RNF141: variants seen among roughly 807,000 people sequenced by gnomAD.
RNF141 encodes ring finger protein 141, also known as C3HC4-like zinc finger protein.
A neutral mutation model predicts 27.4 loss-of-function variants in RNF141; 18 were observed. The observed-to-expected ratio is 0.66, with a 90% CI of 0.45 to 0.97. RNF141 has a LOEUF of 0.97. Ranked by LOEUF, RNF141 falls within the 50% of genes least tolerant of loss-of-function variation. The probability of loss-of-function intolerance (pLI) is 0.00; values close to 1 mark genes in which losing one functional copy is unlikely to be tolerated. For synonymous variants in RNF141, 97 were observed against 96.6 expected (o/e 1.00, Z -0.02); for missense variants, 230 against 279.4 (o/e 0.82, Z 1.26).
intron 4 of RNF141, among the ~76,000 whole-genome samples, chr11:10,523,811 C>T (rs1366766474): frequency 6.6e-6 from 1 of 152,202 alleles, no homozygotes; most frequent in African/African-American, 2.4e-5. Context: ...ACACCATCCT[C>T]AGCTTTTAAA....
chr11:10,515,374 C>T lies in RNF141; in HGVS notation c.543-308G>A, dbSNP rs61891443. On this transcript the variant is annotated intron_variant, in intron 5 of 5. Transcript: ENST00000265981. ...TATCTTACAGACTAGTATGTATCAGCACCTGTTAGAGCTGTTTATTCTTTT... is the reference window on the plus strand; with the variant it reads ...TATCTTACAGACTAGTATGTATCAGTACCTGTTAGAGCTGTTTATTCTTTT... 1,841 of 252,176 alleles carry T rather than the reference C, an allele frequency of 7.3e-3. 9 individuals are homozygous for T. Among genetic ancestry groups the T allele is most frequent in the Non-Finnish European group, 0.011 (1,447 of 133,314 alleles). The allele number at this position is 252,176 out of a possible 1,614,324, so 15.6% of individuals were successfully genotyped here.
Position 10,515,055 on chromosome 11 carries a change from TGTC to T in RNF141, c.551_553del (p.Arg184del). The T allele has an allele frequency of 1.2e-6, 2 of 1,613,262 alleles. No individual in the cohort carries two copies. The highest frequency in any genetic ancestry group is 1.7e-6 in the Non-Finnish European group (2 of 1,179,698). The stretch of plus-strand genomic sequence containing the variant: ...TAGGCGACAAATAGGGCAATTCCTG[TGTC>T]GATCACTCCTATTAGAGAAGTCAAA... On this transcript the variant is annotated inframe_deletion, in exon 6 of 6. Transcript: ENST00000265981.
In RNF141 at chr11:10,525,391, A is replaced by G. The variant is rs142716810; in HGVS notation, c.253-18T>C. The G allele has an allele frequency of 3.4e-5, 52 of 1,537,502 alleles. 2 individuals are homozygous for G. In the East Asian group the frequency reaches 1.1e-3, roughly 33 times the overall value. On this transcript the variant is annotated intron_variant, in intron 3 of 5. Coordinates refer to ENST00000265981, the MANE Select transcript of RNF141 (RefSeq NM_016422.4). Reference sequence around the variant, plus strand: ...TTGTTAATCTAAAAATACAAAGAACATGAAAAAGAAAAGTTGATCATTTCT... The same window carrying G: ...TTGTTAATCTAAAAATACAAAGAACGTGAAAAAGAAAAGTTGATCATTTCT...
chr11:10,524,479 T>C (rs986585807), intron 4 of RNF141, among the ~76,000 whole-genome samples: 7 of 152,228 alleles, frequency 4.6e-5, no homozygotes, highest in African/African-American at 1.2e-4. Flanking sequence ...ATTTCTGCTA[T>C]CTACCCAGTA....
chr11:10,521,469 AACTG>A (rs764219853), intron 4 of RNF141, among the ~76,000 whole-genome samples: 12 of 152,184 alleles, frequency 7.9e-5, no homozygotes, highest in Admixed American at 3.3e-4. Context: ...ATAATATAAA[AACTG>A]ACTGTTCCAA....
intron 5 of RNF141, chr11:10,518,610 TTATCC>T (rs1300972522): frequency 6.4e-6 from 1 of 155,672 alleles, no homozygotes; most frequent in Non-Finnish European, 1.4e-5. Flanking sequence ...ATTTTATAAA[TTATCC>T]TAAACGCTCA....
intron 1 of RNF141, among the ~76,000 whole-genome samples, chr11:10,538,288 T>C (rs1382726466): frequency 2.0e-5 from 3 of 152,172 alleles, no homozygotes; most frequent in East Asian, 1.9e-4. Context: ...CAGAAGTGGT[T>C]TTCAACCTGG....
At chr11:10,534,462 G>T (rs1418948927) in intron 1 of RNF141, among the ~76,000 whole-genome samples, 1 of 130,748 alleles carries the variant, frequency 7.6e-6, no homozygotes, top group Non-Finnish European at 1.6e-5. Context: ...AACCACTAAA[G>T]CACATGTGCA....
chr11:10,525,669 A>G (rs1242576733), intron 3 of RNF141, among the ~76,000 whole-genome samples: 1 of 152,206 alleles, frequency 6.6e-6, no homozygotes, highest in Admixed American at 6.5e-5. Flanking sequence ...TAAGAAATAA[A>G]TTTTAGAGAT....
chr11:10,525,914 A>T (rs1279396478), intron 3 of RNF141, among the ~76,000 whole-genome samples: 1 of 152,024 alleles, frequency 6.6e-6, no homozygotes, highest in Non-Finnish European at 1.5e-5. Context: ...TTATCAAAAA[A>T]CTCGTTTAAT....
chr11:10,539,699 T>TATATATATATATATATATATATA lies in RNF141; in HGVS notation c.-48+1422_-48+1423insTATATATATATATATATATATAT, dbSNP rs56298076. ...TCAGAAAAAGATACATACATATATA[T>TATATATATATATATATATATATA]TAGAGAGAGAAGGAGAGAGAAACTA... On this transcript the variant is annotated intron_variant, in intron 1 of 5. Transcript: ENST00000265981. Among the ~76,000 whole-genome samples, 23 of 73,686 alleles carry TATATATATATATATATATATATA rather than the reference T, an allele frequency of 3.1e-4. 1 individual carries two copies. The highest frequency in any genetic ancestry group is 5.4e-4 in the Admixed American group (3 of 5,508). The allele number at this position is 73,686 out of a possible 152,430, so 48.3% of individuals were successfully genotyped here. A position where few individuals can be genotyped will look rare whatever the true frequency, so the allele number is the denominator to read the frequency against.
intron 3 of RNF141, among the ~76,000 whole-genome samples, chr11:10,526,530 T>A (rs533506666): frequency 5.3e-5 from 8 of 152,244 alleles, no homozygotes; most frequent in Non-Finnish European, 1.0e-4. Context: ...ATGCTTGTAA[T>A]CCCAGCACTT....
intron 1 of RNF141, among the ~76,000 whole-genome samples, chr11:10,537,047 A>T (rs916919630): frequency 2.0e-5 from 3 of 152,254 alleles, no homozygotes; most frequent in African/African-American, 7.2e-5. Context: ...AGTTTGTTTA[A>T]ATATCTGAGG....
At chr11:10,529,279 T>A (rs945079018) in intron 3 of RNF141, among the ~76,000 whole-genome samples, 6 of 152,200 alleles carry the variant, frequency 3.9e-5, no homozygotes, top group African/African-American at 1.2e-4. Flanking sequence ...ATCTGCTGGG[T>A]CTTTAATTTA....
At chr11:10,525,101 T>C in intron 4 of RNF141, 91 bp downstream of exon 4, 2 of 956,448 alleles carry the variant, frequency 2.1e-6, no homozygotes, top group African/African-American at 3.4e-5. Context: ...AGATTTAAGA[T>C]GCTACAATGA....
chr11:10,533,554 T>TAC (rs397700301), intron 2 of RNF141, among the ~76,000 whole-genome samples: 1 of 151,886 alleles, frequency 6.6e-6, no homozygotes, highest in African/African-American at 2.4e-5. Context: ...TATATATATA[T>TAC]GCATGTGTGT....
intron 1 of RNF141, among the ~76,000 whole-genome samples, chr11:10,535,358 A>T (rs1850024709): frequency 3.8e-5 from 1 of 26,124 alleles, no homozygotes; most frequent in Admixed American, 5.1e-4. Context: ...ATTGTAATTT[A>T]AAAAAAAAAC....
In RNF141 at chr11:10,539,597, TATAG is replaced by T. The variant is rs549062234; in HGVS notation, c.-48+1521_-48+1524del. The stretch of plus-strand genomic sequence containing the variant: ...ACTTTTTTTTTTCAAGACAAGTTAA[TATAG>T]ATACATAGTGAAATAATTAGGCCAG... On this transcript the variant is annotated intron_variant, in intron 1 of 5. Coordinates refer to ENST00000265981, the MANE Select transcript of RNF141 (RefSeq NM_016422.4). 1.2e-3 allele frequency among the ~76,000 whole-genome samples: 174 copies of T among 142,970 alleles called. 4 individuals are homozygous for T. The South Asian group carries it at 0.033, about 27-fold the overall frequency. The allele number at this position is 142,970 out of a possible 152,430, so 93.8% of individuals were successfully genotyped here.
chr11:10,535,361 A>AC (rs561242684), intron 1 of RNF141, among the ~76,000 whole-genome samples: 25 of 151,282 alleles, frequency 1.7e-4, no homozygotes, highest in Middle Eastern at 3.4e-3. Flanking sequence ...GTAATTTAAA[A>AC]AAAAAACAAA....
Sources: gnomAD v4.1 joint callset for allele counts (sites outside exome capture counted in the v4.1 genomes callset) on GRCh38, gnomAD v4.1.1 for gene constraint, MANE v1.5 for transcripts, NCBI Gene and HGNC (gene_info 2026-07-23, HGNC 2026-07-21) for gene names.